Variants in SVEP1 observed in about 807,000 individuals in gnomAD.
SVEP1 encodes sushi, von Willebrand factor type A, EGF and pentraxin domain containing 1, also known as sushi, von Willebrand factor type A, EGF and pentraxin domain-containing protein 1.
Under a neutral mutation model 367.3 loss-of-function variants are expected in SVEP1, and 164 were observed. The ratio of observed to expected loss-of-function variants is 0.45; its 90% CI spans 0.39 to 0.51. SVEP1 has a LOEUF of 0.51. Ranked by LOEUF, SVEP1 falls within the 20% of genes least tolerant of loss-of-function variation. The probability of loss-of-function intolerance (pLI) is 0.00; values close to 1 mark genes in which losing one functional copy is unlikely to be tolerated. For missense variants in SVEP1, 4,117 were observed against 4,425.3 expected (o/e 0.93, Z 1.98); for synonymous variants, 1,666 against 1,611.6 (o/e 1.03, Z -0.81).
Position 110,407,299 on chromosome 9 carries a change from G to A in SVEP1, c.8301C>T (p.Ser2767=). ...TGCATGAAATGGCTTCACAGCGTGGGGAGGCACCACTCCACTTTCTATTCT... is the reference window on the plus strand; with the variant it reads ...TGCATGAAATGGCTTCACAGCGTGGAGAGGCACCACTCCACTTTCTATTCT... The part of the protein sequence containing the change: ...CLENRKWSGA[S]PRCEAISCKK... Residue 2767 remains serine (S), a synonymous_variant, in exon 38 of 48, where the codon TCC becomes TCT. Transcript: ENST00000374469. 6.2e-7 allele frequency: 1 copy of A among 1,613,958 alleles called. No individual in the cohort carries two copies. The highest frequency in any genetic ancestry group is 1.1e-5 in the South Asian group (1 of 91,082).
Position 110,435,229 on chromosome 9 carries a change from G to T in SVEP1, c.4888+12C>A. The T allele has an allele frequency of 6.2e-7, 1 of 1,611,508 alleles. No homozygotes were observed. The highest frequency in any genetic ancestry group is 1.1e-5 in the South Asian group (1 of 90,990). On this transcript the variant is annotated intron_variant, in intron 29 of 47. Coordinates refer to ENST00000374469, the MANE Select transcript of SVEP1 (RefSeq NM_153366.4). ...AGAGATAGTGGAGTCTATGAAAGAA[G>T]GAAATTCTCACCAGAACAAAATATG... is the stretch of plus-strand genomic sequence containing the variant.
chr9:110,445,351 C>A (rs778878165), intron 26 of SVEP1, among the ~76,000 whole-genome samples: 2 of 152,170 alleles, frequency 1.3e-5, no homozygotes, highest in Non-Finnish European at 2.9e-5. Flanking sequence ...AATATGCACA[C>A]TGAGTTTGTA....
intron 14 of SVEP1, among the ~76,000 whole-genome samples, chr9:110,474,704 A>C (rs1829073333): frequency 6.6e-6 from 1 of 152,188 alleles, no homozygotes; most frequent in African/African-American, 2.4e-5. Flanking sequence ...ATGCCACCTT[A>C]CTTTTTCCTA....
At chr9:110,392,153 A>ATATATATATATATATATATATC (rs1564128252) in intron 40 of SVEP1, among the ~76,000 whole-genome samples, 1 of 147,728 alleles carries the variant, frequency 6.8e-6, no homozygotes, top group Non-Finnish European at 1.5e-5. Context: ...ATATATATAT[A>ATATATATATATATATATATATC]TCTCTTCTCT....
chr9:110,411,876 C>CT (rs1828049748), intron 36 of SVEP1, 141 bp from the exon 37 acceptor site: 1 of 793,638 alleles, frequency 1.3e-6, no homozygotes, highest in African/African-American at 1.7e-5. Flanking sequence ...GAATACTGAG[C>CT]TTATTGATCA....
chr9:110,480,344 C>G (rs1829165515), intron 12 of SVEP1, among the ~76,000 whole-genome samples: 1 of 152,098 alleles, frequency 6.6e-6, no homozygotes, highest in Non-Finnish European at 1.5e-5. Flanking sequence ...TTTCTATTTA[C>G]TACTGCAGTT....
intron 3 of SVEP1, among the ~76,000 whole-genome samples, chr9:110,540,877 A>G (rs949180089): frequency 1.3e-5 from 2 of 152,172 alleles, no homozygotes; most frequent in African/African-American, 4.8e-5. Flanking sequence ...AGTGGCGTTC[A>G]TTTCAAGGGA....
chr9:110,564,830 G>C (rs1830470222), intron 1 of SVEP1, among the ~76,000 whole-genome samples: 1 of 151,498 alleles, frequency 6.6e-6, no homozygotes, highest in Non-Finnish European at 1.5e-5. Flanking sequence ...ATCAATCAAT[G>C]ACAGTAGTCA....
At chr9:110,440,038 A>G (rs1828490091) in intron 27 of SVEP1, among the ~76,000 whole-genome samples, 1 of 152,228 alleles carries the variant, frequency 6.6e-6, no homozygotes, top group Admixed American at 6.5e-5. Context: ...TAATCGCACC[A>G]CTTAGAGAAG....
intron 3 of SVEP1, among the ~76,000 whole-genome samples, chr9:110,522,466 A>G (rs956640539): frequency 2.0e-5 from 3 of 152,154 alleles, no homozygotes; most frequent in African/African-American, 7.2e-5. Flanking sequence ...GGGCCAGCAA[A>G]GGGGGTCAGA....
chr9:110,571,479 T>C (rs1830561646), intron 1 of SVEP1, among the ~76,000 whole-genome samples: 1 of 152,156 alleles, frequency 6.6e-6, no homozygotes, highest in Non-Finnish European at 1.5e-5. Context: ...AGTAGCCAAC[T>C]GAGACCATGA....
At chr9:110,392,147 A>ATATATATATATATATATATATATATG (rs1827666672) in intron 40 of SVEP1, among the ~76,000 whole-genome samples, 1 of 147,192 alleles carries the variant, frequency 6.8e-6, no homozygotes, top group Non-Finnish European at 1.5e-5. Flanking sequence ...ATATATATAT[A>ATATATATATATATATATATATATATG]TATATATCTC....
intron 6 of SVEP1, among the ~76,000 whole-genome samples, chr9:110,501,156 A>G (rs1588082825): frequency 1.3e-5 from 2 of 148,156 alleles, no homozygotes; most frequent in African/African-American, 4.9e-5. Flanking sequence ...GTAATATAAT[A>G]TATACAAATT....
At chr9:110,574,461 G>T (rs527502825) in intron 1 of SVEP1, among the ~76,000 whole-genome samples, 1 of 152,122 alleles carries the variant, frequency 6.6e-6, no homozygotes, top group Non-Finnish European at 1.5e-5. Context: ...TCTGACAAAC[G>T]ATCTCATTTC....
chr9:110,554,782 C>A (rs1390133458), intron 1 of SVEP1, among the ~76,000 whole-genome samples: 1 of 151,234 alleles, frequency 6.6e-6, no homozygotes, highest in East Asian at 1.9e-4. Context: ...TCAGTTAGTA[C>A]ACATTCCAGG....
chr9:110,425,524 A>G (rs556815476), intron 36 of SVEP1, among the ~76,000 whole-genome samples: 6 of 152,342 alleles, frequency 3.9e-5, no homozygotes, highest in East Asian at 1.9e-4. Flanking sequence ...TCTTAGCTAT[A>G]AAGTGGGAAT....
chr9:110,368,752 C>T (rs1357162229), intron 47 of SVEP1, among the ~76,000 whole-genome samples: 1 of 152,040 alleles, frequency 6.6e-6, no homozygotes, highest in African/African-American at 2.4e-5. Context: ...AAGGTATAAT[C>T]TTGGCAGCTT....
At chr9:110,518,213 A>G (rs571588300) in intron 3 of SVEP1, among the ~76,000 whole-genome samples, 119 of 152,226 alleles carry the variant, frequency 7.8e-4, no homozygotes, top group African/African-American at 2.7e-3. Flanking sequence ...ACCTGAGGTC[A>G]GAAGTTCGAG....
chr9:110,400,788 A>G (rs1827847191), intron 40 of SVEP1, 66 bp downstream of exon 40: 1 of 1,497,866 alleles, frequency 6.7e-7, no homozygotes, highest in Admixed American at 2.3e-5. Context: ...TTGTGCTAAT[A>G]CTGAAAGTAT....
Sources: allele counts gnomAD v4.1 joint callset (sites outside exome capture counted in the v4.1 genomes callset), GRCh38; gene constraint gnomAD v4.1.1; transcripts MANE v1.5; gene names NCBI Gene and HGNC (gene_info 2026-07-23, HGNC 2026-07-21).